Variants in PIP5K1B observed in about 807,000 individuals in gnomAD.
PIP5K1B encodes the protein phosphatidylinositol-4-phosphate 5-kinase type 1 beta.
A neutral mutation model predicts 67.0 loss-of-function variants in PIP5K1B; 42 were observed. The observed-to-expected ratio is 0.63, with a 90% CI of 0.49 to 0.81. The LOEUF is 0.81. Ranked by LOEUF, PIP5K1B falls within the 30% of genes least tolerant of loss-of-function variation. PIP5K1B has a pLI of 0.00. For missense variants in PIP5K1B, 459 were observed against 646.3 expected (o/e 0.71, Z 3.14); for synonymous variants, 214 against 231.4 (o/e 0.92, Z 0.68).
intron 4 of PIP5K1B, among the ~76,000 whole-genome samples, chr9:68,859,939 TA>T (rs1822976393): frequency 6.6e-6 from 1 of 152,222 alleles, no homozygotes; most frequent in African/African-American, 2.4e-5. Flanking sequence ...AAATTATATG[TA>T]TTTATTGTGT....
At chr9:68,988,267 TA>T (rs1026689026) in intron 14 of PIP5K1B, among the ~76,000 whole-genome samples, 5 of 151,220 alleles carry the variant, frequency 3.3e-5, no homozygotes, top group South Asian at 2.1e-4. Context: ...AATTAAAGTT[TA>T]AAAAAAAATT....
chr9:68,748,368 A>T lies in PIP5K1B; in HGVS notation c.-86+5711A>T, dbSNP rs1358523951. ...TCACAAATGTGGGATTTTAGTCCAT[A>T]ATAAAGTACAAATGCTAAAGAAGCA... On this transcript the variant is annotated intron_variant, in intron 2 of 15. Coordinates refer to ENST00000265382, the MANE Select transcript of PIP5K1B (RefSeq NM_003558.4). 2.6e-5 allele frequency among the ~76,000 whole-genome samples: 4 copies of T among 152,218 alleles called. No individual in the cohort carries two copies. The East Asian group carries it at 7.7e-4, about 29-fold the overall frequency.
intron 1 of PIP5K1B, among the ~76,000 whole-genome samples, chr9:68,710,142 T>C (rs1405485910): frequency 6.6e-6 from 1 of 152,242 alleles, no homozygotes; most frequent in Non-Finnish European, 1.5e-5. Flanking sequence ...CAGTAGATTC[T>C]GTAAAACATC....
intron 2 of PIP5K1B, chr9:68,780,706 G>T (rs1354000026): frequency 2.5e-6 from 4 of 1,614,200 alleles, no homozygotes; most frequent in South Asian, 1.1e-5. Context: ...CCAACGACCC[G>T]ATTTACCACC....
intron 2 of PIP5K1B, among the ~76,000 whole-genome samples, chr9:68,746,834 G>C (rs1287682928): frequency 2.6e-5 from 4 of 152,170 alleles, no homozygotes; most frequent in African/African-American, 9.7e-5. Flanking sequence ...TATCTTGCAT[G>C]GTACACAGCA....
chr9:68,831,610 T>C (rs1834325110), intron 4 of PIP5K1B, among the ~76,000 whole-genome samples: 1 of 152,202 alleles, frequency 6.6e-6, no homozygotes, highest in African/African-American at 2.4e-5. Flanking sequence ...TTCTCAATTA[T>C]CTGCAATAGT....
At chr9:68,716,273 G>A (rs1402628643) in intron 1 of PIP5K1B, among the ~76,000 whole-genome samples, 1 of 152,148 alleles carries the variant, frequency 6.6e-6, no homozygotes. Context: ...GAACTATATG[G>A]CTTCAACTTA....
chr9:68,833,621 A>G (rs891790259), intron 4 of PIP5K1B, among the ~76,000 whole-genome samples: 7 of 151,860 alleles, frequency 4.6e-5, no homozygotes, highest in African/African-American at 1.5e-4. Context: ...TGCTAAGTTG[A>G]GAAGCCCTGA....
intron 6 of PIP5K1B, among the ~76,000 whole-genome samples, chr9:68,882,847 A>G (rs1824266503): frequency 1.3e-5 from 2 of 152,084 alleles, no homozygotes; most frequent in Non-Finnish European, 2.9e-5. Flanking sequence ...TAAATGAGAA[A>G]CCCAACATTT....
chr9:68,726,681 C>T (rs546756341), intron 1 of PIP5K1B, among the ~76,000 whole-genome samples: 24 of 152,182 alleles, frequency 1.6e-4, no homozygotes, highest in Non-Finnish European at 2.6e-4. Flanking sequence ...CTAATATCCT[C>T]ATTTCTTAAA....
intron 1 of PIP5K1B, among the ~76,000 whole-genome samples, chr9:68,740,732 A>C (rs1281079673): frequency 6.6e-6 from 1 of 152,232 alleles, no homozygotes; most frequent in African/African-American, 2.4e-5. Context: ...GTGCACAGTA[A>C]GGCTTGTGCC....
At chr9:68,990,003 A>G (rs1830287977) in intron 14 of PIP5K1B, among the ~76,000 whole-genome samples, 1 of 152,088 alleles carries the variant, frequency 6.6e-6, no homozygotes, top group Non-Finnish European at 1.5e-5. Flanking sequence ...CAAGAGGACC[A>G]GTTACTTCAA....
At chr9:69,004,889 A>G (rs887203673) in intron 15 of PIP5K1B, among the ~76,000 whole-genome samples, 1 of 152,194 alleles carries the variant, frequency 6.6e-6, no homozygotes, top group African/African-American at 2.4e-5. Flanking sequence ...ACAAGCAAGA[A>G]GACGCTGTGC....
At chr9:68,912,224 G>A (rs956561204) in intron 8 of PIP5K1B, among the ~76,000 whole-genome samples, 1 of 152,128 alleles carries the variant, frequency 6.6e-6, no homozygotes, top group African/African-American at 2.4e-5. Flanking sequence ...TTAATGTTGA[G>A]TATGGAATAA....
chr9:69,004,395 C>G (rs1389937419), intron 15 of PIP5K1B, among the ~76,000 whole-genome samples: 1 of 150,738 alleles, frequency 6.6e-6, no homozygotes, highest in African/African-American at 2.4e-5. Flanking sequence ...GGGGACAGAG[C>G]TGAAATGTCA....
chr9:68,780,039 A>G, intron 2 of PIP5K1B: 1 of 1,306,616 alleles, frequency 7.7e-7, no homozygotes. Flanking sequence ...AGGGCTACGC[A>G]TGCGCAGAGG....
At chr9:68,822,585 A>G (rs761297151) in intron 3 of PIP5K1B, 30 bp from the exon 4 acceptor site, 1 of 1,505,258 alleles carries the variant, frequency 6.6e-7, no homozygotes, top group Non-Finnish European at 9.2e-7. Context: ...GTAACATTGA[A>G]GTTCAAAGGG....
intron 8 of PIP5K1B, among the ~76,000 whole-genome samples, chr9:68,910,907 T>C (rs182613584): frequency 2.0e-5 from 3 of 152,340 alleles, no homozygotes; most frequent in African/African-American, 7.2e-5. Flanking sequence ...GGCAAATGTC[T>C]CTAGCCAGGC....
chr9:68,782,574 T>C (rs1831355742), intron 2 of PIP5K1B: 1 of 167,126 alleles, frequency 6.0e-6, no homozygotes, highest in Non-Finnish European at 1.5e-5. Flanking sequence ...TTTAACAATT[T>C]TGTGGAATTT....
Sources: gnomAD v4.1 joint callset for allele counts (sites outside exome capture counted in the v4.1 genomes callset) on GRCh38, gnomAD v4.1.1 for gene constraint, MANE v1.5 for transcripts, NCBI Gene and HGNC (gene_info 2026-07-23, HGNC 2026-07-21) for gene names.